The following PTPRN2 variants were observed in gnomAD, a reference collection of about 807,000 sequenced individuals.
PTPRN2 encodes the protein receptor-type tyrosine-protein phosphatase N2.
In PTPRN2, 74 loss-of-function variants were observed where a neutral mutation model predicts 118.8. That is an observed-to-expected ratio of 0.62 (90% confidence interval 0.52 to 0.76). The LOEUF is 0.76. Ranked by LOEUF, PTPRN2 falls within the 30% of genes least tolerant of loss-of-function variation. The pLI is 0.00. For synonymous variants in PTPRN2, 641 were observed against 608.0 expected, an observed-to-expected ratio of 1.05 and a Z score of -0.80; for missense variants, 1,481 against 1,394.4, an observed-to-expected ratio of 1.06 and a Z score of -0.99.
chr7:158,276,340 C>T (rs12698198), intron 3 of PTPRN2, among the ~76,000 whole-genome samples: 1 of 52,652 alleles, frequency 1.9e-5, no homozygotes, highest in African/African-American at 5.9e-5. Flanking sequence ...CCCCGCACCC[C>T]GGCCCCGACA....
intron 12 of PTPRN2, among the ~76,000 whole-genome samples, chr7:157,692,421 T>C (rs1185370908): frequency 6.6e-6 from 1 of 152,158 alleles, no homozygotes; most frequent in African/African-American, 2.4e-5. Flanking sequence ...ACAAACCTAG[T>C]TCTGTAAAAC....
chr7:158,198,355 G>T (rs1160910011), intron 4 of PTPRN2, among the ~76,000 whole-genome samples: 1 of 152,166 alleles, frequency 6.6e-6, no homozygotes, highest in Non-Finnish European at 1.5e-5. Flanking sequence ...TCATACGTAT[G>T]AATTTTGTAC....
chr7:158,126,637 G>A (rs1402932932), intron 9 of PTPRN2, among the ~76,000 whole-genome samples: 13 of 126,220 alleles, frequency 1.0e-4, no homozygotes, highest in African/African-American at 1.9e-4. Context: ...AGCGGGCGGC[G>A]GAACTTCCTC....
chr7:157,620,220 G>A (rs139721371), intron 15 of PTPRN2, among the ~76,000 whole-genome samples: 144 of 152,292 alleles, frequency 9.5e-4, no homozygotes, highest in Non-Finnish European at 1.7e-3. Context: ...CAATCAAAGT[G>A]TGGAACCTTC....
At position 157,632,077 on chromosome 7, in the gene PTPRN2, G is replaced by A. The variant is rs1046696476; in HGVS notation, c.2197-10568C>T. On this transcript the variant is annotated intron_variant, in intron 14 of 22. Coordinates refer to ENST00000389418, the MANE Select transcript of PTPRN2 (RefSeq NM_002847.5). This position sits in a 1 kb window ranked among gnomAD's most constrained non-coding sequence, Gnocchi z 4.3. ...TGAAAACTGGCTCTATCTTGATTGA[G>A]TAGAAACTTTAATTAGTGTATTTTT... 1.3e-5 allele frequency among the ~76,000 whole-genome samples: 2 copies of A among 151,994 alleles called. No homozygotes were observed. The highest frequency in any genetic ancestry group is 2.9e-5 in the Non-Finnish European group (2 of 68,050).
chr7:158,330,045 C>T (rs191589080), intron 2 of PTPRN2, among the ~76,000 whole-genome samples: 9 of 146,950 alleles, frequency 6.1e-5, no homozygotes, highest in Middle Eastern at 3.5e-3. Flanking sequence ...CATCTGCAGA[C>T]GTCACTCACA....
At chr7:157,775,623 A>G (rs1170939404) in intron 12 of PTPRN2, among the ~76,000 whole-genome samples, 1 of 152,164 alleles carries the variant, frequency 6.6e-6, no homozygotes, top group Non-Finnish European at 1.5e-5. Context: ...GTCGCCCAGG[A>G]CAGCAAGCCT....
chr7:158,094,219 A>G lies in PTPRN2; in HGVS notation c.1644-12842T>C, dbSNP rs74990465. On this transcript the variant is annotated intron_variant, in intron 10 of 22. Transcript: ENST00000389418. Reference sequence around the variant, plus strand: ...CCCAAGAGAAGACCCTTGTTCCCCCAGCACAGGGGTGGGCCGGATCTCACC... The same window carrying G: ...CCCAAGAGAAGACCCTTGTTCCCCCGGCACAGGGGTGGGCCGGATCTCACC... Among the ~76,000 whole-genome samples the G allele has an allele frequency of 5.0e-3, 760 of 152,338 alleles. 8 individuals are homozygous for G. The highest frequency in any genetic ancestry group is 0.018 in the African/African-American group (741 of 41,572).
At chr7:158,342,743 G>T (rs892672023) in intron 2 of PTPRN2, among the ~76,000 whole-genome samples, 1 of 152,106 alleles carries the variant, frequency 6.6e-6, no homozygotes, top group Non-Finnish European at 1.5e-5. Flanking sequence ...CCTTGCTGGA[G>T]CCCATAGAGG....
At chr7:158,039,010 C>A (rs1038863643) in intron 11 of PTPRN2, among the ~76,000 whole-genome samples, 4 of 152,040 alleles carry the variant, frequency 2.6e-5, no homozygotes, top group Non-Finnish European at 5.9e-5. Flanking sequence ...TGGCCCTCCC[C>A]CTTTGGCATA....
At chr7:158,364,187 C>G (rs1263493549) in intron 2 of PTPRN2, among the ~76,000 whole-genome samples, 2 of 149,148 alleles carry the variant, frequency 1.3e-5, no homozygotes, top group Non-Finnish European at 3.0e-5. Context: ...ATGCTTCCCA[C>G]AGCAGGGTCT....
At chr7:158,424,861 A>G (rs1306732842) in intron 2 of PTPRN2, among the ~76,000 whole-genome samples, 1 of 151,732 alleles carries the variant, frequency 6.6e-6, no homozygotes, top group Non-Finnish European at 1.5e-5. Flanking sequence ...CATCAGCTTA[A>G]TCTCCCACGC....
intron 6 of PTPRN2, among the ~76,000 whole-genome samples, chr7:158,150,927 C>T (rs79354729): frequency 0.074 from 11,305 of 152,012 alleles, 428 homozygotes; most frequent in South Asian, 0.12. Flanking sequence ...CACACAACAC[C>T]GAGAAGCTGG....
intron 12 of PTPRN2, among the ~76,000 whole-genome samples, chr7:157,800,850 G>T (rs891116495): frequency 5.9e-5 from 9 of 151,998 alleles, no homozygotes; most frequent in African/African-American, 2.2e-4. Context: ...TACTCAGGAG[G>T]CTGAGGCAGG....
chr7:158,477,981 C>G (rs184516466), intron 2 of PTPRN2, among the ~76,000 whole-genome samples: 1 of 152,332 alleles, frequency 6.6e-6, no homozygotes, highest in African/African-American at 2.4e-5. Flanking sequence ...CACCTGAAGA[C>G]AGAGAAGGGG....
At chr7:157,613,915 C>G (rs898466867) in intron 15 of PTPRN2, 3 of 417,700 alleles carry the variant, frequency 7.2e-6, no homozygotes, top group Middle Eastern at 7.2e-4. Flanking sequence ...CCGGACTCCT[C>G]GAGCCCCTTA....
chr7:158,186,659 T>C (rs940458740), intron 5 of PTPRN2, among the ~76,000 whole-genome samples: 2 of 151,882 alleles, frequency 1.3e-5, no homozygotes, highest in African/African-American at 4.8e-5. Context: ...CCCTCTGGCA[T>C]GAGCGCGCCT....
At chr7:157,803,920 GT>G (rs1390524443) in intron 12 of PTPRN2, among the ~76,000 whole-genome samples, 75 of 152,260 alleles carry the variant, frequency 4.9e-4, no homozygotes, top group Admixed American at 2.0e-3. Context: ...TCTTTTTGGT[GT>G]AATTTCTTCA....
chr7:157,833,185 G>A (rs964432177), intron 12 of PTPRN2, among the ~76,000 whole-genome samples: 10 of 150,690 alleles, frequency 6.6e-5, no homozygotes, highest in East Asian at 5.9e-4. Context: ...CGTGGCCAGC[G>A]CCCATCCATC....
Sources: allele counts gnomAD v4.1 joint callset (sites outside exome capture counted in the v4.1 genomes callset), GRCh38; gene constraint gnomAD v4.1.1; non-coding constraint Gnocchi (gnomAD v3.1); transcripts MANE v1.5; gene names NCBI Gene and HGNC (gene_info 2026-07-23, HGNC 2026-07-21).